JAML: variants seen among roughly 807,000 people sequenced by gnomAD.
JAML encodes the protein junction adhesion molecule like, also known as junctional adhesion molecule-like.
A neutral mutation model predicts 39.3 loss-of-function variants in JAML; 25 were observed. That is an observed-to-expected ratio of 0.64 (90% CI 0.46 to 0.89). The LOEUF (loss-of-function observed/expected upper bound fraction) is 0.89. Ranked by LOEUF, JAML falls within the 40% of genes least tolerant of loss-of-function variation. The probability of loss-of-function intolerance (pLI) is 0.00; values close to 1 mark genes in which losing one functional copy is unlikely to be tolerated. For synonymous variants in JAML, 162 were observed against 179.2 expected, an observed-to-expected ratio of 0.90 and a Z score of 0.77; for missense variants, 440 against 486.9, an observed-to-expected ratio of 0.90 and a Z score of 0.91.
intron 8 of JAML, 164 bp downstream of exon 8, chr11:118,197,834 G>A (rs964257930): frequency 6.3e-6 from 4 of 638,958 alleles, no homozygotes; most frequent in Non-Finnish European, 1.1e-5. Context: ...ACTGTACTCC[G>A]CAGAGGCTCT....
At chr11:118,213,939 C>G (rs1190761019) in intron 2 of JAML, among the ~76,000 whole-genome samples, 1 of 152,108 alleles carries the variant, frequency 6.6e-6, no homozygotes, top group Non-Finnish European at 1.5e-5. Context: ...TAATGAACAC[C>G]ATTTTGGTGT....
intron 5 of JAML, 153 bp from the exon 6 acceptor site, chr11:118,203,818 T>G: frequency 1.5e-6 from 1 of 658,990 alleles, no homozygotes; most frequent in Non-Finnish European, 2.7e-6. Context: ...CACAAAGTCA[T>G]GTACACACAC....
intron 5 of JAML, chr11:118,205,407 T>G (rs1203465758): frequency 1.9e-5 from 3 of 156,804 alleles, no homozygotes. Context: ...TCCCAACACG[T>G]GAAGTACCCA....
chr11:118,194,800 T>C (rs902878801), intron 9 of JAML, among the ~76,000 whole-genome samples: 1 of 152,220 alleles, frequency 6.6e-6, no homozygotes, highest in Non-Finnish European at 1.5e-5. Flanking sequence ...AAAGGCTCTT[T>C]GTTACCCCTG....
chr11:118,219,609 T>C (rs558502078), intron 1 of JAML, among the ~76,000 whole-genome samples: 2 of 152,366 alleles, frequency 1.3e-5, no homozygotes, highest in East Asian at 3.9e-4. Flanking sequence ...CATTACAACC[T>C]TGCAACATGT....
chr11:118,194,076 G>T lies in JAML; in HGVS notation c.*249C>A, dbSNP rs553844327. ...GGTTTGAGGCCACTCAGCTCAGCCT[G>T]GTTCCCAGGGCCAGTGTCCCACTCC... On this transcript the variant is annotated 3_prime_UTR_variant, in exon 10 of 10. Coordinates refer to ENST00000356289, the MANE Select transcript of JAML (RefSeq NM_001098526.2). 7 of 465,490 alleles carry T rather than the reference G, an allele frequency of 1.5e-5. No individual in the cohort carries two copies. The highest frequency in any genetic ancestry group is 6.1e-4 in the Middle Eastern group (1 of 1,634). The allele number at this position is 465,490 out of a possible 1,614,324, so 28.8% of individuals were successfully genotyped here. A position where few individuals can be genotyped will look rare whatever the true frequency, so the allele number is the denominator to read the frequency against.
At position 118,203,679 on chromosome 11, in the gene JAML, A is replaced by G. The variant is rs760918047; in HGVS notation, c.535-14T>C. 5 of 1,597,530 alleles carry G rather than the reference A, an allele frequency of 3.1e-6. No homozygotes were observed. The highest frequency in any genetic ancestry group is 4.3e-6 in the Non-Finnish European group (5 of 1,165,002). On this transcript the variant is annotated splice_polypyrimidine_tract_variant and intron_variant, in intron 5 of 9. Coordinates refer to ENST00000356289, the MANE Select transcript of JAML (RefSeq NM_001098526.2). ...TACAATCTCCTCCTAGAAGTGAAAG[A>G]CAAAAAGTATGATATTGTGAGGACT...
Position 118,194,307 on chromosome 11 carries a change from A to G in JAML, c.*18T>C, listed in dbSNP as rs373784926. ...AGAGTCTCCACCGCTGCTGAGATGA[A>G]GGGACTCTCCATTCTTCTCAAAAGG... On this transcript the variant is annotated 3_prime_UTR_variant, in exon 10 of 10. Transcript: ENST00000356289. The G allele has an allele frequency of 6.2e-7, 1 of 1,604,150 alleles. No homozygotes were observed. The highest frequency in any genetic ancestry group is 1.3e-5 in the African/African-American group (1 of 74,810).
chr11:118,205,864 A>C lies in JAML; in HGVS notation c.534+18T>G. 1 of 1,603,294 alleles carries C rather than the reference A, an allele frequency of 6.2e-7. No individual in the cohort carries two copies. Among genetic ancestry groups the C allele is most frequent in the Middle Eastern group, 1.7e-4 (1 of 6,044 alleles). On this transcript the variant is annotated intron_variant, in intron 5 of 9. Transcript: ENST00000356289. ...AGCCAGAGCCTTCTCTAACACAGTG[A>C]TGTTTCCTCCTTGTTACCTTTGCGC... is the stretch of plus-strand genomic sequence containing the variant.
At chr11:118,203,287 T>C (rs1948849003) in intron 6 of JAML, 141 bp downstream of exon 6, 1 of 801,970 alleles carries the variant, frequency 1.2e-6, no homozygotes, top group Non-Finnish European at 2.1e-6. Context: ...ATTCTCAGGG[T>C]TGTGCAAGGC....
chr11:118,206,428 C>T (rs1423090023), intron 4 of JAML, among the ~76,000 whole-genome samples: 2 of 152,202 alleles, frequency 1.3e-5, no homozygotes, highest in Non-Finnish European at 2.9e-5. Flanking sequence ...TGTTCATCAT[C>T]TTAGACACCA....
intron 3 of JAML, 94 bp from the exon 4 acceptor site, chr11:118,210,806 T>G (rs1050820332): frequency 2.0e-6 from 2 of 1,010,950 alleles, no homozygotes; most frequent in Non-Finnish European, 3.0e-6. Flanking sequence ...GCAGCAGAGC[T>G]ATCATCATGA....
At position 118,194,387 on chromosome 11, in the gene JAML, G is replaced by T. The variant is rs755514701; in HGVS notation, c.1123C>A (p.Arg375=). 6.2e-7 allele frequency: 1 copy of T among 1,614,066 alleles called. No individual in the cohort carries two copies. The highest frequency in any genetic ancestry group is 1.7e-5 in the Admixed American group (1 of 60,010). The part of the protein sequence containing the change: ...HPVWPSLRSD[R]NNSLEKKSGG... Reference sequence around the variant, plus strand: ...GACTTTTTTTCAAGTGAGTTGTTCCGATCTGACCTCAGAGAAGGCCAAACT... The same window carrying T: ...GACTTTTTTTCAAGTGAGTTGTTCCTATCTGACCTCAGAGAAGGCCAAACT... Residue 375 remains arginine, a synonymous_variant, in exon 10 of 10, where the codon CGG becomes AGG. Transcript: ENST00000356289.
At chr11:118,216,269 T>C (rs1949140236) in intron 1 of JAML, among the ~76,000 whole-genome samples, 1 of 151,114 alleles carries the variant, frequency 6.6e-6, no homozygotes, top group African/African-American at 2.4e-5. Flanking sequence ...TACGGGAGGC[T>C]GAGACAGGAG....
In JAML at chr11:118,222,723, C is replaced by A. The variant is rs1024999125; in HGVS notation, c.-21+2218G>T. Among the ~76,000 whole-genome samples the A allele has an allele frequency of 6.6e-6, 1 of 151,968 alleles. No homozygotes were observed. The highest frequency in any genetic ancestry group is 1.5e-5 in the Non-Finnish European group (1 of 67,998). Reference sequence around the variant, plus strand: ...GTTTTGGTGGGAGGTTATAAGAAGGCGTGTGAATATGGTTTCTGTTAAAGA... The same window carrying A: ...GTTTTGGTGGGAGGTTATAAGAAGGAGTGTGAATATGGTTTCTGTTAAAGA... On this transcript the variant is annotated intron_variant, in intron 1 of 9. Transcript: ENST00000356289. The surrounding 1 kb of genome is among the most constrained non-coding windows in gnomAD (Gnocchi z 4.2).
intron 9 of JAML, 152 bp downstream of exon 9, chr11:118,196,583 C>T (rs1393041862): frequency 1.6e-5 from 11 of 675,526 alleles, no homozygotes; most frequent in Non-Finnish European, 2.7e-5. Flanking sequence ...TATCACTCTT[C>T]TATCCAGCAG....
chr11:118,196,730 C>T lies in JAML; in HGVS notation c.1092+5G>A, dbSNP rs1201920960. On this transcript the variant is annotated splice_donor_5th_base_variant and intron_variant, in intron 9 of 9. Coordinates refer to ENST00000356289, the MANE Select transcript of JAML (RefSeq NM_001098526.2). ...TGGCTCAGCTGAGGCCAGAATCATT[C>T]TCACCATGGTCATGTAGGTGGCCTC... 6.2e-7 allele frequency: 1 copy of T among 1,606,150 alleles called. No homozygotes were observed. The highest frequency in any genetic ancestry group is 1.1e-5 in the South Asian group (1 of 90,912).
chr11:118,205,776 C>T, intron 5 of JAML, 106 bp downstream of exon 5: 1 of 1,052,350 alleles, frequency 9.5e-7, no homozygotes. Context: ...TGATAAGCAC[C>T]AAAGCCCAGG....
At chr11:118,218,832 A>G (rs1949176666) in intron 1 of JAML, among the ~76,000 whole-genome samples, 1 of 152,240 alleles carries the variant, frequency 6.6e-6, no homozygotes, top group Non-Finnish European at 1.5e-5. Flanking sequence ...AAAAGCATTC[A>G]GAAGCACCTT....
Sources: gnomAD v4.1 joint callset for allele counts (sites outside exome capture counted in the v4.1 genomes callset) on GRCh38, gnomAD v4.1.1 for gene constraint, Gnocchi (gnomAD v3.1) non-coding constraint, MANE v1.5 for transcripts, NCBI Gene and HGNC (gene_info 2026-07-23, HGNC 2026-07-21) for gene names.